Variants in ROBO2 observed in about 807,000 individuals in gnomAD.
ROBO2 encodes the protein roundabout guidance receptor 2.
Under a neutral mutation model 160.8 loss-of-function variants are expected in ROBO2, and 53 were observed. That is an observed-to-expected ratio of 0.33 (90% confidence interval 0.26 to 0.41). The LOEUF (loss-of-function observed/expected upper bound fraction) is 0.41. ROBO2 is among the 10% of genes least tolerant of loss of function. The pLI, the probability that ROBO2 is intolerant of heterozygous loss-of-function variation, is 1.00. For synonymous variants in ROBO2, 664 were observed against 611.7 expected (o/e 1.09, Z -1.26); for missense variants, 1,577 against 1,722.4 (o/e 0.92, Z 1.49).
chr3:76,892,855 C>T (rs958429831), intron 2 of ROBO2, among the ~76,000 whole-genome samples: 1 of 152,164 alleles, frequency 6.6e-6, no homozygotes, highest in Admixed American at 6.5e-5. Context: ...ACCTATAAGA[C>T]GTCCTTTCCA....
chr3:76,212,573 T>A (rs2324490), intron 2 of ROBO2, among the ~76,000 whole-genome samples: 143,503 of 152,120 alleles, frequency 0.94, 67,841 homozygotes, highest in East Asian at 0.99. Context: ...AATGCTAGAA[T>A]AAAAAGTAGG....
intron 2 of ROBO2, among the ~76,000 whole-genome samples, chr3:77,278,281 T>C (rs2060021515): frequency 6.6e-6 from 1 of 152,190 alleles, no homozygotes; most frequent in African/African-American, 2.4e-5. Flanking sequence ...AGACTTCCAC[T>C]ATGTTAATGA....
At chr3:77,442,713 T>G (rs568047093) in intron 2 of ROBO2, among the ~76,000 whole-genome samples, 1 of 152,262 alleles carries the variant, frequency 6.6e-6, no homozygotes, top group South Asian at 2.1e-4. Context: ...GGTTCACATG[T>G]GTAGCATTCT....
intron 2 of ROBO2, among the ~76,000 whole-genome samples, chr3:77,026,797 A>G (rs2062995801): frequency 6.6e-6 from 1 of 152,200 alleles, no homozygotes; most frequent in African/African-American, 2.4e-5. Context: ...ACTCAATAAA[A>G]AATTGTTAAG....
chr3:77,509,798 C>T (rs1412945550), intron 5 of ROBO2, among the ~76,000 whole-genome samples: 1 of 151,994 alleles, frequency 6.6e-6, no homozygotes, highest in East Asian at 1.9e-4. Flanking sequence ...GTCACGGCTG[C>T]CTACTAGGTT....
intron 2 of ROBO2, among the ~76,000 whole-genome samples, chr3:76,409,715 G>C (rs1339323182): frequency 6.6e-6 from 1 of 152,050 alleles, no homozygotes; most frequent in Non-Finnish European, 1.5e-5. Flanking sequence ...AAAACTCTTT[G>C]AACTTCAGCC....
intron 2 of ROBO2, among the ~76,000 whole-genome samples, chr3:76,065,328 G>A (rs936300755): frequency 1.8e-4 from 27 of 152,012 alleles, no homozygotes; most frequent in African/African-American, 5.8e-4. Context: ...TTTAAATAAC[G>A]TGTGAGAACA....
At chr3:77,562,423 G>T (rs913033781) in intron 9 of ROBO2, among the ~76,000 whole-genome samples, 1 of 152,066 alleles carries the variant, frequency 6.6e-6, no homozygotes, top group African/African-American at 2.4e-5. Context: ...AATTAACATT[G>T]AGGTGCATAA....
intron 2 of ROBO2, among the ~76,000 whole-genome samples, chr3:76,299,145 G>T (rs1318263369): frequency 1.3e-5 from 2 of 152,104 alleles, no homozygotes; most frequent in Non-Finnish European, 1.5e-5. Flanking sequence ...AGAGAGATGG[G>T]AAATAAGTAA....
At chr3:76,312,785 T>C (rs989421328) in intron 2 of ROBO2, among the ~76,000 whole-genome samples, 1 of 152,228 alleles carries the variant, frequency 6.6e-6, no homozygotes, top group Non-Finnish European at 1.5e-5. Flanking sequence ...TTTCCTGCGT[T>C]AAACTTAAGC....
intron 2 of ROBO2, among the ~76,000 whole-genome samples, chr3:77,264,238 G>A (rs2058975982): frequency 6.6e-6 from 1 of 152,142 alleles, no homozygotes; most frequent in African/African-American, 2.4e-5. Context: ...ATAAAAACAG[G>A]AGATTGTTCA....
In ROBO2 at chr3:76,567,916, C is replaced by G. The variant is rs564202969; in HGVS notation, c.110-530098C>G. Among the ~76,000 whole-genome samples the G allele has an allele frequency of 5.4e-5, 8 of 147,930 alleles. No individual in the cohort carries two copies. In the South Asian group the frequency reaches 1.5e-3, roughly 28 times the overall value. On this transcript the variant is annotated intron_variant, in intron 2 of 26. Transcript: ENST00000487694. ...TTCAGCCTCAATCTCCCGGGCTCAGCTGATCCTCCCTCCTCAGCCTTCTGT... is the reference window on the plus strand; with the variant it reads ...TTCAGCCTCAATCTCCCGGGCTCAGGTGATCCTCCCTCCTCAGCCTTCTGT...
rs377751226 is a variant in ROBO2 at position 76,985,529 on chromosome 3, CCAAGCCATTGCA to C, written c.110-112483_110-112472del. On this transcript the variant is annotated intron_variant, in intron 2 of 26. Coordinates refer to the ROBO2 transcript ENST00000487694. ...CCCAGGAGGCGGAGCTTGCAGTGAG[CCAAGCCATTGCA>C]CTCCAGCCTGGGCGACAAAGCGAGA... Among the ~76,000 whole-genome samples, 753 of 129,356 alleles carry C rather than the reference CCAAGCCATTGCA, an allele frequency of 5.8e-3. 6 individuals carry two copies. The highest frequency in any genetic ancestry group is 0.022 in the African/African-American group (719 of 33,064). The allele number at this position is 129,356 out of a possible 152,430, so 84.9% of individuals were successfully genotyped here.
At chr3:75,999,137 TTCC>T (rs2065811998) in intron 2 of ROBO2, among the ~76,000 whole-genome samples, 1 of 152,308 alleles carries the variant, frequency 6.6e-6, no homozygotes, top group South Asian at 2.1e-4. Flanking sequence ...GAGCCTCATT[TTCC>T]TCATCTGATT....
intron 2 of ROBO2, among the ~76,000 whole-genome samples, chr3:77,114,179 G>T (rs540700339): frequency 1.7e-4 from 26 of 152,136 alleles, no homozygotes; most frequent in Non-Finnish European, 3.1e-4. Flanking sequence ...TAAATTTGAG[G>T]TGAGACTAGA....
chr3:76,887,547 G>C (rs1052950692), intron 2 of ROBO2, among the ~76,000 whole-genome samples: 1 of 151,834 alleles, frequency 6.6e-6, no homozygotes, highest in Non-Finnish European at 1.5e-5. Context: ...GGAGCGGGCT[G>C]GTCTTTACCC....
chr3:77,037,368 A>T (rs528734742), upstream of ROBO2, among the ~76,000 whole-genome samples: 1 of 152,272 alleles, frequency 6.6e-6, no homozygotes, highest in South Asian at 2.1e-4. Flanking sequence ...AACAACAACA[A>T]CCACAACAAC....
intron 22 of ROBO2, among the ~76,000 whole-genome samples, chr3:77,620,093 G>A (rs2153704639): frequency 6.6e-6 from 1 of 152,138 alleles, no homozygotes; most frequent in East Asian, 1.9e-4. Context: ...ACCCATAGAG[G>A]ACACCCTGTT....
At chr3:77,467,585 C>T (rs1044663223) in intron 2 of ROBO2, among the ~76,000 whole-genome samples, 1 of 122,670 alleles carries the variant, frequency 8.2e-6, no homozygotes, top group African/African-American at 3.3e-5. Flanking sequence ...ATCTATCTGT[C>T]TGTATCTATC....
Sources: gnomAD v4.1 joint callset for allele counts (sites outside exome capture counted in the v4.1 genomes callset) on GRCh38, gnomAD v4.1.1 for gene constraint, MANE v1.5 for transcripts, NCBI Gene and HGNC (gene_info 2026-07-23, HGNC 2026-07-21) for gene names.